Variants in NWD2 observed in about 807,000 individuals in gnomAD.
NWD2 encodes the protein NACHT and WD repeat domain-containing protein 2.
NWD2 carries 37 observed loss-of-function variants against 132.7 expected under a neutral mutation model. The observed-to-expected ratio is 0.28, with a 90% CI of 0.21 to 0.37. NWD2 has a LOEUF of 0.37. NWD2 is among the 10% of genes least tolerant of loss of function. The pLI is 1.00. For missense variants in NWD2, 1,592 were observed against 2,122.4 expected (o/e 0.75, Z 4.91); for synonymous variants, 705 against 803.0 (o/e 0.88, Z 2.06).
rs1055974473 is a variant in NWD2 at position 37,443,190 on chromosome 4, G to A, written c.1297-95G>A. 59 of 1,106,632 alleles carry A rather than the reference G, an allele frequency of 5.3e-5. No homozygotes were observed. The highest frequency in any genetic ancestry group is 7.2e-5 in the Non-Finnish European group (57 of 790,146). 68.6% of individuals were successfully genotyped at this position (1,106,632 alleles called of 1,614,324 possible). A position where few individuals can be genotyped will look rare whatever the true frequency, so the allele number is the denominator to read the frequency against. ...CTAAGCTATTTCCTGCACAGCAGAG[G>A]AGACCAGAAATCTGAGCTCTGGAGA... On this transcript the variant is annotated intron_variant, in intron 6 of 6. Coordinates refer to ENST00000309447, the MANE Select transcript of NWD2 (RefSeq NM_001144990.2). The surrounding 1 kb of genome is among the most constrained non-coding windows in gnomAD (Gnocchi z 4.1).
Position 37,446,237 on chromosome 4 carries a change from GAGGAAAAT to G in NWD2, c.4250_4257del (p.Glu1417GlyfsTer37). The G allele has an allele frequency of 6.4e-7, 1 of 1,551,690 alleles. No individual in the cohort carries two copies. Among genetic ancestry groups the G allele is most frequent in the Non-Finnish European group, 8.7e-7 (1 of 1,147,008 alleles). On this transcript the variant is annotated frameshift_variant, in exon 7 of 7. Coordinates refer to ENST00000309447, the MANE Select transcript of NWD2 (RefSeq NM_001144990.2). LOFTEE classifies it high-confidence loss of function. This position sits in a 1 kb window ranked among gnomAD's most constrained non-coding sequence, Gnocchi z 6.7. ...TGACCAGTTTGTGGTCTCGCTCTGTGAGGAAAATGCCTCCAGGGTTTGGAGGCTCGCCA... is the reference window on the plus strand; with the variant it reads ...TGACCAGTTTGTGGTCTCGCTCTGTGGCCTCCAGGGTTTGGAGGCTCGCCA...
chr4:37,332,153 T>C (rs1366116934), intron 2 of NWD2, among the ~76,000 whole-genome samples: 1 of 152,136 alleles, frequency 6.6e-6, no homozygotes, highest in Non-Finnish European at 1.5e-5. Flanking sequence ...TGGGCTGGGC[T>C]TGGCACCAGT....
intron 1 of NWD2, among the ~76,000 whole-genome samples, chr4:37,310,696 A>G (rs1718820596): frequency 6.6e-6 from 1 of 151,422 alleles, no homozygotes; most frequent in Admixed American, 6.6e-5. Flanking sequence ...GGTTAGTTAC[A>G]TATGTATACA....
intron 3 of NWD2, among the ~76,000 whole-genome samples, chr4:37,378,176 T>A (rs368872434): frequency 2.0e-5 from 3 of 152,236 alleles, no homozygotes; most frequent in African/African-American, 7.2e-5. Flanking sequence ...CCCGAACTTA[T>A]GTTCCTGTGT....
At chr4:37,412,075 A>G (rs1721170631) in intron 3 of NWD2, among the ~76,000 whole-genome samples, 1 of 152,216 alleles carries the variant, frequency 6.6e-6, no homozygotes, top group Non-Finnish European at 1.5e-5. Context: ...AAATGGGCAC[A>G]AGACAAGGAT....
intron 3 of NWD2, among the ~76,000 whole-genome samples, chr4:37,422,429 C>T (rs1455358864): frequency 2.0e-5 from 3 of 152,130 alleles, no homozygotes; most frequent in African/African-American, 7.2e-5. Context: ...CTTATCTGAC[C>T]ACACATTTTT....
chr4:37,281,284 C>G (rs1176541263), intron 1 of NWD2, among the ~76,000 whole-genome samples: 1 of 152,110 alleles, frequency 6.6e-6, no homozygotes, highest in Non-Finnish European at 1.5e-5. Flanking sequence ...GTTTGTGGTC[C>G]CCTCTCTTTT....
chr4:37,443,676 A>C lies in NWD2; in HGVS notation c.1688A>C (p.Glu563Ala), dbSNP rs1431414681. The change falls in exon 7 of 7, where the codon GAA becomes GCA. Residue 563 changes from glutamate to alanine, a missense_variant. Glu to Ala is a moderately radical substitution (Grantham distance 107). Transcript: ENST00000309447. The surrounding 1 kb of genome is among the most constrained non-coding windows in gnomAD (Gnocchi z 4.1). Reference protein sequence around the residue: ...LQKLRCLIHEEDNYIELIPRD... With the variant: ...LQKLRCLIHEADNYIELIPRD... ...AAACTAAGGTGCCTTATCCATGAAG[A>C]AGACAACTACATCGAGCTGATTCCC... 1 of 1,552,042 alleles carries C rather than the reference A, an allele frequency of 6.4e-7. No homozygotes were observed. The highest frequency in any genetic ancestry group is 8.7e-7 in the Non-Finnish European group (1 of 1,147,120).
Position 37,276,157 on chromosome 4 carries a change from C to T in NWD2, c.151+30939C>T, listed in dbSNP as rs576245922. Among the ~76,000 whole-genome samples the T allele has an allele frequency of 2.6e-5, 4 of 152,218 alleles. No homozygotes were observed. The South Asian group carries it at 6.2e-4, about 24-fold the overall frequency. On this transcript the variant is annotated intron_variant, in intron 1 of 6. Coordinates refer to ENST00000309447, the MANE Select transcript of NWD2 (RefSeq NM_001144990.2). ...CAAAAAAAACTACCATTGGAGTGAA[C>T]AGGCAACCTACAGAATGGGAGAAAA...
At chr4:37,363,490 A>G (rs944631513) in intron 3 of NWD2, among the ~76,000 whole-genome samples, 16 of 152,244 alleles carry the variant, frequency 1.1e-4, no homozygotes, top group African/African-American at 3.9e-4. Context: ...TTGTAGCAAC[A>G]TGGATGAAGC....
chr4:37,287,770 C>T (rs1450715716), intron 1 of NWD2, among the ~76,000 whole-genome samples: 1 of 152,200 alleles, frequency 6.6e-6, no homozygotes, highest in Non-Finnish European at 1.5e-5. Context: ...TAGTGAAGCA[C>T]ACCCCTTCCA....
At chr4:37,289,893 T>TC (rs1184116826) in intron 1 of NWD2, among the ~76,000 whole-genome samples, 3 of 152,010 alleles carry the variant, frequency 2.0e-5, no homozygotes, top group Non-Finnish European at 4.4e-5. Flanking sequence ...AAGGCTTTTT[T>TC]TTTCCGGAGT....
At chr4:37,438,130 G>A (rs531545025) in intron 5 of NWD2, among the ~76,000 whole-genome samples, 2 of 151,994 alleles carry the variant, frequency 1.3e-5, no homozygotes, top group East Asian at 3.9e-4. Flanking sequence ...GCATGGTGGC[G>A]GGTGCCTGTA....
In NWD2 at chr4:37,244,955, C is replaced by A; in HGVS notation, c.-113C>A. On this transcript the variant is annotated 5_prime_UTR_variant, in exon 1 of 7. Coordinates refer to ENST00000309447, the MANE Select transcript of NWD2 (RefSeq NM_001144990.2). The surrounding 1 kb of genome is among the most constrained non-coding windows in gnomAD (Gnocchi z 5.5). The stretch of plus-strand genomic sequence containing the variant: ...GCTTCGGGCTCGGAGCGGCTCTGAG[C>A]CGCGCCGCCTGCTGAGATCGACCGC... 7.1e-7 allele frequency: 1 copy of A among 1,414,494 alleles called. No homozygotes were observed. Among genetic ancestry groups the A allele is most frequent in the South Asian group, 1.4e-5 (1 of 73,866 alleles). 87.6% of individuals were successfully genotyped at this position (1,414,494 alleles called of 1,614,324 possible).
intron 1 of NWD2, among the ~76,000 whole-genome samples, chr4:37,288,834 G>A (rs1718298820): frequency 6.6e-6 from 1 of 152,052 alleles, no homozygotes; most frequent in African/African-American, 2.4e-5. Flanking sequence ...TTTAAAACCA[G>A]ATCAACTGAA....
chr4:37,371,072 C>CTTTTTTTTTTTTT (rs1309185055), intron 3 of NWD2, among the ~76,000 whole-genome samples: 6 of 100,522 alleles, frequency 6.0e-5, no homozygotes, highest in Non-Finnish European at 9.3e-5. Flanking sequence ...ATTTTTTTTT[C>CTTTTTTTTTTTTT]TTTTTCTTTT....
At chr4:37,391,955 G>A (rs763786737) in intron 3 of NWD2, among the ~76,000 whole-genome samples, 3 of 152,188 alleles carry the variant, frequency 2.0e-5, no homozygotes, top group Non-Finnish European at 4.4e-5. Flanking sequence ...TGTCATCCCA[G>A]CACTTTGGGA....
chr4:37,391,383 T>C (rs148714311), intron 3 of NWD2, among the ~76,000 whole-genome samples: 92 of 152,340 alleles, frequency 6.0e-4, no homozygotes, highest in African/African-American at 2.0e-3. Context: ...GCTGGTCAGA[T>C]AATGCTCATG....
chr4:37,262,972 A>G (rs1366615986), intron 1 of NWD2, among the ~76,000 whole-genome samples: 2 of 152,136 alleles, frequency 1.3e-5, no homozygotes, highest in African/African-American at 4.8e-5. Context: ...AATGAAGGCA[A>G]CAACCATTTG....
Sources: allele counts gnomAD v4.1 joint callset (sites outside exome capture counted in the v4.1 genomes callset), GRCh38; gene constraint gnomAD v4.1.1; non-coding constraint Gnocchi (gnomAD v3.1); transcripts MANE v1.5; gene names NCBI Gene and HGNC (gene_info 2026-07-23, HGNC 2026-07-21).